The following ROBO1 variants were observed in gnomAD, a reference collection of about 807,000 sequenced individuals.
ROBO1 encodes roundabout homolog 1.
In ROBO1, 149 loss-of-function variants were observed where a neutral mutation model predicts 195.9. The observed-to-expected ratio is 0.76, with a 90% confidence interval of 0.67 to 0.87. ROBO1 has a LOEUF of 0.87. ROBO1 is among the 40% of genes least tolerant of loss of function. The pLI, the probability that ROBO1 is intolerant of heterozygous loss-of-function variation, is 0.00. For missense variants in ROBO1, 1,933 were observed against 2,068.3 expected (o/e 0.93, Z 1.27); for synonymous variants, 816 against 733.2 (o/e 1.11, Z -1.82).
chr3:79,237,205 G>A (rs1263530148), intron 2 of ROBO1, among the ~76,000 whole-genome samples: 9 of 152,134 alleles, frequency 5.9e-5, no homozygotes, highest in Non-Finnish European at 1.2e-4. Flanking sequence ...AAAAATGGCC[G>A]GGCGCGGTGG....
chr3:79,061,960 A>G (rs1407312550), intron 3 of ROBO1, among the ~76,000 whole-genome samples: 1 of 151,664 alleles, frequency 6.6e-6, no homozygotes. Context: ...CATGACTAAA[A>G]CACCAAAAGT....
intron 1 of ROBO1, among the ~76,000 whole-genome samples, chr3:79,741,520 A>C (rs1286596908): frequency 6.6e-6 from 1 of 152,200 alleles, no homozygotes; most frequent in African/African-American, 2.4e-5. Flanking sequence ...TGTAGAATTT[A>C]GCAGCTATTT....
rs1702986834 is a variant in ROBO1 at position 78,598,745 on chromosome 3, TAAA to T, written c.*165_*167del. On this transcript the variant is annotated 3_prime_UTR_variant, in exon 31 of 31. Transcript: ENST00000464233. ...AGGGTTAGGGATCAAACAACAACAA[TAAA>T]AACCCAATAAAGTTTTTAAAATGAT... is the stretch of plus-strand genomic sequence containing the variant. 4.3e-6 allele frequency: 2 copies of T among 461,108 alleles called. No individual in the cohort carries two copies. The highest frequency in any genetic ancestry group is 3.7e-5 in the Admixed American group (1 of 27,240). 28.6% of individuals were successfully genotyped at this position (461,108 alleles called of 1,614,324 possible).
intron 3 of ROBO1, among the ~76,000 whole-genome samples, chr3:79,085,312 C>T (rs2079347794): frequency 6.6e-6 from 1 of 152,094 alleles, no homozygotes; most frequent in South Asian, 2.1e-4. Context: ...AAGGCATTTG[C>T]CCTGATGTCA....
intron 2 of ROBO1, among the ~76,000 whole-genome samples, chr3:79,445,332 A>G (rs968029035): frequency 1.3e-5 from 2 of 151,974 alleles, no homozygotes; most frequent in African/African-American, 4.8e-5. Context: ...TTTTTACTTT[A>G]TAAGAATGAA....
At chr3:78,982,226 C>T (rs982209268) in intron 3 of ROBO1, among the ~76,000 whole-genome samples, 2 of 152,270 alleles carry the variant, frequency 1.3e-5, no homozygotes, top group East Asian at 1.9e-4. Flanking sequence ...TACCTACACC[C>T]CAATTCCTTC....
At chr3:79,072,627 G>A (rs894384703) in intron 3 of ROBO1, among the ~76,000 whole-genome samples, 3 of 151,834 alleles carry the variant, frequency 2.0e-5, no homozygotes, top group African/African-American at 7.3e-5. Context: ...ATGTGGATTT[G>A]GAACATTCTT....
At chr3:78,971,195 C>T (rs1169423777) in intron 3 of ROBO1, among the ~76,000 whole-genome samples, 2 of 152,000 alleles carry the variant, frequency 1.3e-5, no homozygotes, top group Non-Finnish European at 2.9e-5. Flanking sequence ...AGTTTGAGAC[C>T]AACCTGGCCA....
intron 4 of ROBO1, among the ~76,000 whole-genome samples, chr3:78,901,978 A>G (rs2037619537): frequency 6.6e-6 from 1 of 152,136 alleles, no homozygotes; most frequent in Non-Finnish European, 1.5e-5. Context: ...TCTTTCCAGC[A>G]TATTACATTT....
intron 1 of ROBO1, among the ~76,000 whole-genome samples, chr3:79,638,947 T>A (rs1039087796): frequency 1.3e-5 from 2 of 152,172 alleles, no homozygotes; most frequent in Non-Finnish European, 2.9e-5. Flanking sequence ...ACTGTACACC[T>A]GCTATAAATG....
intron 2 of ROBO1, among the ~76,000 whole-genome samples, chr3:79,495,018 T>C (rs1056912749): frequency 7.1e-6 from 1 of 141,418 alleles, no homozygotes; most frequent in Non-Finnish European, 1.6e-5. Context: ...GATTGACAGA[T>C]AGGTAGATAG....
intron 28 of ROBO1, among the ~76,000 whole-genome samples, chr3:78,613,233 T>C (rs1462130498): frequency 1.3e-5 from 2 of 152,224 alleles, no homozygotes; most frequent in Non-Finnish European, 2.9e-5. Flanking sequence ...AGGCCAGATT[T>C]TCTCCCTTAT....
intron 1 of ROBO1, among the ~76,000 whole-genome samples, chr3:79,597,977 T>A (rs1253627108): frequency 3.3e-5 from 5 of 152,008 alleles, no homozygotes; most frequent in Non-Finnish European, 5.9e-5. Flanking sequence ...TTTGGACAGA[T>A]CATGGGCCTT....
At chr3:78,872,514 G>A (rs1280683047) in intron 4 of ROBO1, among the ~76,000 whole-genome samples, 2 of 152,180 alleles carry the variant, frequency 1.3e-5, no homozygotes, top group Non-Finnish European at 1.5e-5. Context: ...CAAGGTTGAT[G>A]ACCTTCTGTT....
intron 1 of ROBO1, among the ~76,000 whole-genome samples, chr3:79,709,704 C>T (rs184028594): frequency 6.6e-6 from 1 of 151,018 alleles, no homozygotes; most frequent in East Asian, 1.9e-4. Context: ...TGTGTCCCTC[C>T]GCCTGCCCCA....
At chr3:79,591,376 T>G (rs925900920) in intron 1 of ROBO1, among the ~76,000 whole-genome samples, 1 of 151,894 alleles carries the variant, frequency 6.6e-6, no homozygotes, top group Non-Finnish European at 1.5e-5. Flanking sequence ...CTAGCAAAGC[T>G]GTCTAATCCT....
At chr3:79,126,516 G>A (rs759964840) in intron 2 of ROBO1, among the ~76,000 whole-genome samples, 2 of 152,106 alleles carry the variant, frequency 1.3e-5, no homozygotes, top group African/African-American at 2.4e-5. Context: ...AGATAAGTAT[G>A]AGCAGTGTTT....
At chr3:79,440,557 C>T (rs1373959469) in intron 2 of ROBO1, among the ~76,000 whole-genome samples, 3 of 152,090 alleles carry the variant, frequency 2.0e-5, no homozygotes, top group East Asian at 1.9e-4. Context: ...CCAGGATAGT[C>T]CTTGTCCTCA....
chr3:78,830,334 A>G (rs1264151353), intron 4 of ROBO1, among the ~76,000 whole-genome samples: 1 of 152,158 alleles, frequency 6.6e-6, no homozygotes, highest in Non-Finnish European at 1.5e-5. Flanking sequence ...ACACAGATGT[A>G]TGTTGCATAC....
Sources: gnomAD v4.1 joint callset for allele counts (sites outside exome capture counted in the v4.1 genomes callset) on GRCh38, gnomAD v4.1.1 for gene constraint, MANE v1.5 for transcripts, NCBI Gene and HGNC (gene_info 2026-07-23, HGNC 2026-07-21) for gene names.